The following PAK1 variants were observed in gnomAD, a reference collection of about 807,000 sequenced individuals.
PAK1 encodes the protein serine/threonine-protein kinase PAK 1.
Under a neutral mutation model 67.4 loss-of-function variants are expected in PAK1, and 29 were observed. The observed-to-expected ratio is 0.43, with a 90% CI of 0.32 to 0.59. The LOEUF (loss-of-function observed/expected upper bound fraction) is 0.59. Ranked by LOEUF, PAK1 falls within the 20% of genes least tolerant of loss-of-function variation. The probability of loss-of-function intolerance (pLI) is 0.07; values close to 1 mark genes in which losing one functional copy is unlikely to be tolerated. For missense variants in PAK1, 337 were observed against 670.7 expected (o/e 0.50, Z 5.50); for synonymous variants, 223 against 237.4 (o/e 0.94, Z 0.56).
At chr11:77,405,955 C>T (rs184555798) in intron 1 of PAK1, among the ~76,000 whole-genome samples, 13 of 152,220 alleles carry the variant, frequency 8.5e-5, no homozygotes, top group Admixed American at 3.9e-4. Flanking sequence ...CAGCATTAAA[C>T]GCAATTGACC....
At chr11:77,512,324 G>A in the PAK1 span, among the ~76,000 whole-genome samples, 1 of 151,954 alleles carries the variant, frequency 6.6e-6, no homozygotes, top group Admixed American at 6.6e-5. Context: ...TCCATGGTGA[G>A]TGCCACCCCC....
In PAK1 at chr11:77,429,056, T is replaced by TAAAAAAAAAAAAAAAAAAAA. The variant is rs566874549; in HGVS notation, c.-21-36535_-21-36516dup. On this transcript the variant is annotated intron_variant, in intron 1 of 14. Coordinates refer to ENST00000356341, the MANE Select transcript of PAK1 (RefSeq NM_002576.5). The stretch of plus-strand genomic sequence containing the variant: ...TTGGATTCTAAATGCCATTTAATAC[T>TAAAAAAAAAAAAAAAAAAAA]AAAAAAAAAAAAAAAAAAAAAAAAA... Among the ~76,000 whole-genome samples, 38 of 48,988 alleles carry TAAAAAAAAAAAAAAAAAAAA rather than the reference T, an allele frequency of 7.8e-4. 6 individuals are homozygous for TAAAAAAAAAAAAAAAAAAAA. The highest frequency in any genetic ancestry group is 1.3e-3 in the South Asian group (1 of 748). 32.1% of individuals were successfully genotyped at this position (48,988 alleles called of 152,430 possible). A position where few individuals can be genotyped will look rare whatever the true frequency, so the allele number is the denominator to read the frequency against.
At chr11:77,500,237 G>A in the PAK1 span, among the ~76,000 whole-genome samples, 1 of 152,180 alleles carries the variant, frequency 6.6e-6, no homozygotes, top group Non-Finnish European at 1.5e-5. Flanking sequence ...GGGAGGCCGA[G>A]GTGGGCGGAT....
At chr11:77,381,948 C>T (rs991569515) in intron 2 of PAK1, among the ~76,000 whole-genome samples, 2 of 152,174 alleles carry the variant, frequency 1.3e-5, no homozygotes, top group African/African-American at 4.8e-5. Context: ...TCAAGCAGTC[C>T]TTTATGACGT....
At chr11:77,464,835 T>C (rs376122358) in intron 1 of PAK1, among the ~76,000 whole-genome samples, 1 of 152,380 alleles carries the variant, frequency 6.6e-6, no homozygotes, top group East Asian at 1.9e-4. Context: ...ATGTAATTTA[T>C]TCAATACTGC....
intron 4 of PAK1, among the ~76,000 whole-genome samples, chr11:77,376,341 T>C (rs930804925): frequency 5.3e-5 from 8 of 152,122 alleles, no homozygotes; most frequent in African/African-American, 1.2e-4. Context: ...AGGAAAAAGA[T>C]TGGTTCAAGG....
At chr11:77,500,482 A>G in the PAK1 span, among the ~76,000 whole-genome samples, 2 of 152,060 alleles carry the variant, frequency 1.3e-5, no homozygotes, top group African/African-American at 2.4e-5. Context: ...AAGAAAAAAA[A>G]GTCGAAACAT....
chr11:77,447,189 A>T (rs139794411), intron 1 of PAK1, among the ~76,000 whole-genome samples: 1 of 152,366 alleles, frequency 6.6e-6, no homozygotes, highest in East Asian at 1.9e-4. Context: ...AAGGAGGCAG[A>T]GGTGTTTCCC....
intron 1 of PAK1, among the ~76,000 whole-genome samples, chr11:77,416,753 A>G (rs1342018006): frequency 6.6e-6 from 1 of 152,192 alleles, no homozygotes; most frequent in Non-Finnish European, 1.5e-5. Flanking sequence ...GGAGATCAAG[A>G]CCATCCTGGC....
intron 1 of PAK1, among the ~76,000 whole-genome samples, chr11:77,435,042 G>T (rs978145645): frequency 6.7e-6 from 1 of 149,824 alleles, no homozygotes; most frequent in Non-Finnish European, 1.5e-5. Context: ...GGAATTACAG[G>T]CATGAGCCAC....
intron 14 of PAK1, among the ~76,000 whole-genome samples, chr11:77,328,896 TAAA>T (rs1392531909): frequency 2.0e-5 from 3 of 151,742 alleles, no homozygotes; most frequent in Admixed American, 1.3e-4. Flanking sequence ...GCAAGACTAA[TAAA>T]GAAGAAAAGA....
At chr11:77,520,006 C>CG in the PAK1 span, among the ~76,000 whole-genome samples, 3 of 152,252 alleles carry the variant, frequency 2.0e-5, no homozygotes, top group African/African-American at 7.2e-5. Context: ...CCTGTGGCCC[C>CG]CCCCTCCGCC....
At chr11:77,444,239 C>T (rs910616464) in intron 1 of PAK1, among the ~76,000 whole-genome samples, 10 of 150,802 alleles carry the variant, frequency 6.6e-5, no homozygotes, top group African/African-American at 2.0e-4. Context: ...CCTTCTTATT[C>T]TCCTAACCCA....
chr11:77,464,986 A>AAG (rs1178137742), intron 1 of PAK1, among the ~76,000 whole-genome samples: 43 of 95,842 alleles, frequency 4.5e-4, no homozygotes, highest in South Asian at 3.5e-3. Flanking sequence ...ACATACATGA[A>AAG]AGAGTGTGTG....
chr11:77,361,885 A>G (rs1406040459), intron 5 of PAK1, among the ~76,000 whole-genome samples: 1 of 152,172 alleles, frequency 6.6e-6, no homozygotes, highest in Non-Finnish European at 1.5e-5. Flanking sequence ...TGCCTTAAAT[A>G]CAAAAATATT....
At chr11:77,372,104 C>T (rs1434826802) in intron 5 of PAK1, among the ~76,000 whole-genome samples, 1 of 152,182 alleles carries the variant, frequency 6.6e-6, no homozygotes, top group Non-Finnish European at 1.5e-5. Flanking sequence ...GCTAATCATG[C>T]TTACATAAAG....
chr11:77,501,814 C>T, the PAK1 span, among the ~76,000 whole-genome samples: 36 of 152,284 alleles, frequency 2.4e-4, no homozygotes, highest in African/African-American at 7.9e-4. Context: ...TGAATCCAAA[C>T]GTTTCTAACT....
At chr11:77,344,346 G>C (rs1186326338) in intron 9 of PAK1, among the ~76,000 whole-genome samples, 2 of 152,196 alleles carry the variant, frequency 1.3e-5, no homozygotes, top group Admixed American at 1.3e-4. Flanking sequence ...CAAAAGCCAA[G>C]AATGCTTTCA....
At position 77,349,482 on chromosome 11, in the gene PAK1, C is replaced by T. The variant is rs1032798419; in HGVS notation, c.837-195G>A. 11 of 574,266 alleles carry T rather than the reference C, an allele frequency of 1.9e-5. No homozygotes were observed. The East Asian group carries it at 2.6e-4, about 13-fold the overall frequency. 35.6% of individuals were successfully genotyped at this position (574,266 alleles called of 1,614,324 possible). ...TACAGAGAATGTAGGCTCTAGTGGC[C>T]AGGAGACCTGAATTCCAACCTGGTA... is the stretch of plus-strand genomic sequence containing the variant. On this transcript the variant is annotated intron_variant, in intron 8 of 14. Coordinates refer to ENST00000356341, the MANE Select transcript of PAK1 (RefSeq NM_002576.5).
Sources: allele counts gnomAD v4.1 joint callset (sites outside exome capture counted in the v4.1 genomes callset), GRCh38; gene constraint gnomAD v4.1.1; transcripts MANE v1.5; gene names NCBI Gene and HGNC (gene_info 2026-07-23, HGNC 2026-07-21).